Variants in KIF16B observed in about 807,000 individuals in gnomAD.
The protein encoded by KIF16B is kinesin family member 16B.
In KIF16B, 98 loss-of-function variants were observed where a neutral mutation model predicts 156.3. The observed-to-expected ratio is 0.63, with a 90% CI of 0.53 to 0.74. The LOEUF (loss-of-function observed/expected upper bound fraction) is 0.74, where lower values mean the gene tolerates loss of function less well. KIF16B is among the 30% of genes least tolerant of loss of function. The pLI is 0.00. For synonymous variants in KIF16B, 564 were observed against 583.7 expected, an observed-to-expected ratio of 0.97 and a Z score of 0.49; for missense variants, 1,421 against 1,606.5, an observed-to-expected ratio of 0.88 and a Z score of 1.97.
rs1002444340 is a variant in KIF16B at position 16,373,317 on chromosome 20, C to T, written c.3350+940G>A. 3.9e-5 allele frequency among the ~76,000 whole-genome samples: 6 copies of T among 152,184 alleles called. No homozygotes were observed. In the East Asian group the frequency reaches 9.6e-4, roughly 24 times the overall value. On this transcript the variant is annotated intron_variant, in intron 20 of 25. Transcript: ENST00000354981. ...ACCCTGTGAGATATGAGGCTCATGC[C>T]ATTCTGAGTACATTTTGATATCCAA... is the stretch of plus-strand genomic sequence containing the variant.
chr20:16,502,201 T>TA (rs1407547136), intron 10 of KIF16B, among the ~76,000 whole-genome samples: 1 of 151,792 alleles, frequency 6.6e-6, no homozygotes, highest in African/African-American at 2.4e-5. Context: ...TAGCTGTGCT[T>TA]AAAAAAAATA....
chr20:16,374,949 T>C (rs1192389500), intron 19 of KIF16B, among the ~76,000 whole-genome samples: 1 of 151,914 alleles, frequency 6.6e-6, no homozygotes, highest in East Asian at 1.9e-4. Flanking sequence ...ATACGAGCAA[T>C]GGGGCAAGGG....
At chr20:16,339,532 C>T (rs988139598) in intron 23 of KIF16B, among the ~76,000 whole-genome samples, 1 of 152,122 alleles carries the variant, frequency 6.6e-6, no homozygotes, top group Admixed American at 6.5e-5. Flanking sequence ...TCTCCTGAAC[C>T]CAGACTCGTA....
intron 15 of KIF16B, among the ~76,000 whole-genome samples, chr20:16,412,094 T>C (rs529212026): frequency 1.3e-5 from 2 of 151,650 alleles, no homozygotes; most frequent in East Asian, 3.9e-4. Context: ...AATGGCCAAG[T>C]AGAAGAAAAT....
At chr20:16,522,796 G>A (rs945973645) in intron 3 of KIF16B, among the ~76,000 whole-genome samples, 3 of 152,098 alleles carry the variant, frequency 2.0e-5, no homozygotes, top group African/African-American at 4.8e-5. Context: ...AAATGCAAAA[G>A]AATGGATATC....
intron 1 of KIF16B, among the ~76,000 whole-genome samples, chr20:16,557,514 T>C (rs12624643): frequency 5.9e-5 from 9 of 152,096 alleles, no homozygotes; most frequent in Non-Finnish European, 2.9e-5. Context: ...CTACCCCATA[T>C]AGTCATCACA....
chr20:16,467,760 GA>G (rs2067535942), intron 12 of KIF16B, among the ~76,000 whole-genome samples: 1 of 151,586 alleles, frequency 6.6e-6, no homozygotes, highest in East Asian at 1.9e-4. Context: ...GTACCCTGTG[GA>G]ACTGTCCTTC....
At chr20:16,493,380 G>T (rs894580363) in intron 12 of KIF16B, among the ~76,000 whole-genome samples, 3 of 152,212 alleles carry the variant, frequency 2.0e-5, no homozygotes, top group African/African-American at 7.2e-5. Context: ...CAAGGCTGCA[G>T]AAGTTTACCC....
intron 17 of KIF16B, among the ~76,000 whole-genome samples, chr20:16,396,649 T>G (rs1043327354): frequency 6.5e-5 from 5 of 77,178 alleles, no homozygotes; most frequent in Admixed American, 2.6e-4. Flanking sequence ...CTGTAGTCGC[T>G]TTTTTTTTTT....
chr20:16,341,839 A>C (rs2123017685), intron 23 of KIF16B, among the ~76,000 whole-genome samples: 1 of 152,342 alleles, frequency 6.6e-6, no homozygotes, highest in African/African-American at 2.4e-5. Flanking sequence ...CAGATGTCTC[A>C]CTACCCTCCC....
Position 16,425,932 on chromosome 20 carries a change from C to T in KIF16B, c.1612+1172G>A, listed in dbSNP as rs187000401. The stretch of plus-strand genomic sequence containing the variant: ...AGAGGCCTCAGGAAACTTACAGTCA[C>T]GGCAGAAGGCAAAGAGGAAGCAAGG... On this transcript the variant is annotated intron_variant, in intron 15 of 25. Transcript: ENST00000354981. Among the ~76,000 whole-genome samples the T allele has an allele frequency of 1.4e-4, 21 of 152,182 alleles. 1 individual carries two copies. Among genetic ancestry groups the T allele is most frequent in the Admixed American group, 5.9e-4 (9 of 15,282 alleles).
intron 24 of KIF16B, among the ~76,000 whole-genome samples, chr20:16,319,559 A>G (rs2063745030): frequency 6.6e-6 from 1 of 152,218 alleles, no homozygotes; most frequent in Non-Finnish European, 1.5e-5. Flanking sequence ...AGACAGGTGG[A>G]CACAGAGAAT....
In KIF16B at chr20:16,396,274, C is replaced by T. The variant is rs142331261; in HGVS notation, c.1784+8539G>A. 2.6e-5 allele frequency among the ~76,000 whole-genome samples: 4 copies of T among 152,154 alleles called. No homozygotes were observed. The East Asian group carries it at 7.7e-4, about 29-fold the overall frequency. On this transcript the variant is annotated intron_variant, in intron 17 of 25. Transcript: ENST00000354981. Reference sequence around the variant, plus strand: ...TATCTGAGGTGGAAGAGTTTGATCCCGAAACCATCCATCCCCCTCCTCTGT... The same window carrying T: ...TATCTGAGGTGGAAGAGTTTGATCCTGAAACCATCCATCCCCCTCCTCTGT...
At chr20:16,573,113 G>A in intron 1 of KIF16B, 116 bp downstream of exon 1, 1 of 1,020,244 alleles carries the variant, frequency 9.8e-7, no homozygotes, top group Admixed American at 2.2e-5. Flanking sequence ...GGGCCCGGTG[G>A]GCCAGGGACC....
At chr20:16,410,418 G>A (rs1448925877) in intron 15 of KIF16B, among the ~76,000 whole-genome samples, 1 of 151,102 alleles carries the variant, frequency 6.6e-6, no homozygotes, top group Non-Finnish European at 1.5e-5. Context: ...CAAAATGCTT[G>A]GGACAAAAAG....
Position 16,378,906 on chromosome 20 carries a change from C to CT in KIF16B, c.3095dup (p.Arg1033GlufsTer20). On this transcript the variant is annotated frameshift_variant, in exon 19 of 26. Transcript: ENST00000354981. LOFTEE classifies it high-confidence loss of function. ...TGTTCAGACTGGCAAGTTTCTGCCT[C>CT]TGCTCTTCAATCTCCATGCCCAGGG... 6.2e-7 allele frequency: 1 copy of CT among 1,614,090 alleles called. No individual in the cohort carries two copies. The highest frequency in any genetic ancestry group is 1.7e-4 in the Middle Eastern group (1 of 6,060).
At chr20:16,475,849 T>C (rs1033849099) in intron 12 of KIF16B, among the ~76,000 whole-genome samples, 5 of 152,256 alleles carry the variant, frequency 3.3e-5, no homozygotes, top group Admixed American at 3.3e-4. Flanking sequence ...ATTACCCTGG[T>C]ACTCTGCTCT....
rs2065026978 is a variant in KIF16B at position 16,379,195 on chromosome 20, A to T, written c.2807T>A (p.Leu936His). The change falls in exon 19 of 26, where the codon CTC becomes CAC. Residue 936 changes from leucine to histidine, a missense_variant. Leu to His is a moderately conservative substitution (Grantham distance 99). Coordinates refer to ENST00000354981, the MANE Select transcript of KIF16B (RefSeq NM_024704.5). Reference protein sequence around the residue: ...RAFEILDRGPLSLDNTLYQVE... With the variant: ...RAFEILDRGPHSLDNTLYQVE... ...TTGATAAAGAGTGTTGTCTAAGCTG[A>T]GAGGGCCTCTGTCAAGAATTTCAAA... 6.2e-7 allele frequency: 1 copy of T among 1,614,000 alleles called. No individual in the cohort carries two copies. The highest frequency in any genetic ancestry group is 1.3e-5 in the African/African-American group (1 of 74,922).
intron 25 of KIF16B, among the ~76,000 whole-genome samples, chr20:16,296,441 C>T (rs574924339): frequency 1.3e-5 from 2 of 152,214 alleles, no homozygotes; most frequent in East Asian, 1.9e-4. Flanking sequence ...AAATGAAAAA[C>T]GTTCTACACT....
Sources: allele counts gnomAD v4.1 joint callset (sites outside exome capture counted in the v4.1 genomes callset), GRCh38; gene constraint gnomAD v4.1.1; transcripts MANE v1.5; gene names NCBI Gene and HGNC (gene_info 2026-07-23, HGNC 2026-07-21).